Variants in GPSM1 observed in about 807,000 individuals in gnomAD.
GPSM1 encodes G protein signaling modulator 1, also known as G protein-signaling modulator 1.
A neutral mutation model predicts 70.5 loss-of-function variants in GPSM1; 48 were observed. The ratio of observed to expected loss-of-function variants is 0.68; its 90% CI spans 0.54 to 0.87. The LOEUF is 0.87. GPSM1 is among the 40% of genes least tolerant of loss of function. The pLI is 0.00. For synonymous variants in GPSM1, 416 were observed against 430.1 expected (o/e 0.97, Z 0.41); for missense variants, 981 against 972.6 (o/e 1.01, Z -0.11).
chr9:136,351,127 C>G (rs1832651296), intron 11 of GPSM1, among the ~76,000 whole-genome samples: 1 of 152,198 alleles, frequency 6.6e-6, no homozygotes, highest in South Asian at 2.1e-4. Flanking sequence ...GGTGTGGGTG[C>G]TGGGCTGGGA....
Position 136,343,944 on chromosome 9 carries a change from G to C in GPSM1, c.1207+2951G>C, listed in dbSNP as rs896727782. On this transcript the variant is annotated intron_variant, in intron 9 of 13. Transcript: ENST00000440944. The surrounding 1 kb of genome is among the most constrained non-coding windows in gnomAD (Gnocchi z 6.0). ...GGAAATGGCACACAGGGTCCCGCAC[G>C]CAGCAGATACACAGTAAATGCCTGC... 6.6e-6 allele frequency among the ~76,000 whole-genome samples: 1 copy of C among 152,162 alleles called. No homozygotes were observed. Among genetic ancestry groups the C allele is most frequent in the Non-Finnish European group, 1.5e-5 (1 of 68,018 alleles).
chr9:136,333,325 T>C (rs1832147090), intron 1 of GPSM1, among the ~76,000 whole-genome samples: 1 of 152,142 alleles, frequency 6.6e-6, no homozygotes, highest in Non-Finnish European at 1.5e-5. Flanking sequence ...CGCAGCAGCC[T>C]GAGGCCCATG....
Position 136,337,016 on chromosome 9 carries a change from CG to C in GPSM1, c.525del (p.His176ThrfsTer24). 6.4e-7 allele frequency: 1 copy of C among 1,552,228 alleles called. No individual in the cohort carries two copies. The highest frequency in any genetic ancestry group is 8.7e-7 in the Non-Finnish European group (1 of 1,148,006). ...WNAANATQDP[G>X]HLPPDVRETL... Reference sequence around the variant, plus strand: ...ACGCCGCAAACGCCACGCAGGACCCCGGGCACCTGCCGCCCGATGTCCGAGA... The same window carrying C: ...ACGCCGCAAACGCCACGCAGGACCCCGGCACCTGCCGCCCGATGTCCGAGA... On this transcript the variant is annotated frameshift_variant, in exon 4 of 14. Transcript: ENST00000440944. LOFTEE classifies it high-confidence loss of function.
intron 9 of GPSM1, among the ~76,000 whole-genome samples, 197 bp from the exon 10 acceptor site, chr9:136,348,500 C>G (rs1310740461): frequency 3.3e-5 from 5 of 152,230 alleles, no homozygotes; most frequent in African/African-American, 1.2e-4. Flanking sequence ...TGTCTCGACA[C>G]CTGTCCCCTT....
At chr9:136,350,873 A>G (rs1484939497) in intron 11 of GPSM1, among the ~76,000 whole-genome samples, 1 of 152,032 alleles carries the variant, frequency 6.6e-6, no homozygotes, top group Non-Finnish European at 1.5e-5. Flanking sequence ...GACGGGGGAC[A>G]GACAGACTGG....
intron 11 of GPSM1, among the ~76,000 whole-genome samples, chr9:136,354,597 G>A (rs1261099212): frequency 6.6e-6 from 1 of 152,238 alleles, no homozygotes; most frequent in Non-Finnish European, 1.5e-5. Context: ...GGAGGTGGAC[G>A]GGGCTTGGAA....
intron 1 of GPSM1, among the ~76,000 whole-genome samples, chr9:136,331,418 G>A (rs998999641): frequency 1.1e-4 from 16 of 151,878 alleles, no homozygotes; most frequent in African/African-American, 3.4e-4. Context: ...CAGGGAGGCT[G>A]GGGAGGGGGC....
At chr9:136,346,569 C>A (rs757251027) in intron 9 of GPSM1, among the ~76,000 whole-genome samples, 11 of 152,206 alleles carry the variant, frequency 7.2e-5, no homozygotes, top group Non-Finnish European at 1.6e-4. Context: ...AGCAGGACCC[C>A]CTTCCCAGTT....
intron 11 of GPSM1, among the ~76,000 whole-genome samples, chr9:136,353,362 A>C (rs782269709): frequency 1.3e-5 from 2 of 152,162 alleles, no homozygotes; most frequent in Non-Finnish European, 2.9e-5. Flanking sequence ...GCTTGGGGCA[A>C]GGGAGAGGTT....
At chr9:136,353,286 A>C (rs1229287634) in intron 11 of GPSM1, 4 of 175,816 alleles carry the variant, frequency 2.3e-5, no homozygotes, top group African/African-American at 9.6e-5. Context: ...GCTTGTGCCA[A>C]AGCAAGAGAG....
chr9:136,340,936 C>T lies in GPSM1; in HGVS notation c.1150C>T (p.Arg384Cys), dbSNP rs782254318. 38 of 1,566,794 alleles carry T rather than the reference C, an allele frequency of 2.4e-5. No individual in the cohort carries two copies. Among genetic ancestry groups the T allele is most frequent in the Admixed American group, 1.3e-4 (7 of 53,380 alleles). The change falls in exon 9 of 14, where the codon CGC becomes TGC. Residue 384 changes from arginine (R) to cysteine (C), a missense_variant. Coordinates refer to ENST00000440944, the MANE Select transcript of GPSM1 (RefSeq NM_001145638.3). This position sits in a 1 kb window ranked among gnomAD's most constrained non-coding sequence, Gnocchi z 7.3. ...GGCGCAGCTGCAGCTGGTGCTCGGCCGCCTGACCAGCCCGGCAGCCTCAGA... is the reference window on the plus strand; with the variant it reads ...GGCGCAGCTGCAGCTGGTGCTCGGCTGCCTGACCAGCCCGGCAGCCTCAGA... ...NVAQLQLVLG[R>C]LTSPAASEKP...
chr9:136,341,366 AGGGCTGGGCT>A lies in GPSM1; in HGVS notation c.1207+395_1207+404del, dbSNP rs112024031. ...TGGGAGGCGAGAGGGCATCAGCCAG[AGGGCTGGGCT>A]GGGCTGGGCTGGGCTGGGCTGTGGG... On this transcript the variant is annotated intron_variant, in intron 9 of 13. Transcript: ENST00000440944. This position sits in a 1 kb window ranked among gnomAD's most constrained non-coding sequence, Gnocchi z 6.7. The A allele has an allele frequency of 4.6e-4, 643 of 1,409,372 alleles. 1 individual carries two copies. The highest frequency in any genetic ancestry group is 2.4e-3 in the East Asian group (89 of 37,708). The allele number at this position is 1,409,372 out of a possible 1,614,324, so 87.3% of individuals were successfully genotyped here. A position where few individuals can be genotyped will look rare whatever the true frequency, so the allele number is the denominator to read the frequency against.
In GPSM1 at chr9:136,356,389, CTCA is replaced by C; in HGVS notation, c.1663_1665del (p.Ile555del). 6.2e-7 allele frequency: 1 copy of C among 1,609,154 alleles called. No individual in the cohort carries two copies. The highest frequency in any genetic ancestry group is 8.5e-7 in the Non-Finnish European group (1 of 1,178,038). On this transcript the variant is annotated inframe_deletion, in exon 13 of 14. Transcript: ENST00000440944. ...GCCCCAGACCGAGGAATTCTTCGACCTCATCGCCAGCTCCCAGAGCCGCCGGCT... is the reference window on the plus strand; with the variant it reads ...GCCCCAGACCGAGGAATTCTTCGACCTCGCCAGCTCCCAGAGCCGCCGGCT...
chr9:136,335,863 TG>T, intron 2 of GPSM1, 102 bp from the exon 3 acceptor site: 2 of 1,201,048 alleles, frequency 1.7e-6, no homozygotes, highest in Non-Finnish European at 1.2e-6. Flanking sequence ...CACTCCATGC[TG>T]GTCCCTGAGG....
chr9:136,356,560 G>C lies in GPSM1; in HGVS notation c.1821+10G>C. 6.3e-7 allele frequency: 1 copy of C among 1,593,782 alleles called. No individual in the cohort carries two copies. On this transcript the variant is annotated intron_variant, in intron 13 of 13. Coordinates refer to ENST00000440944, the MANE Select transcript of GPSM1 (RefSeq NM_001145638.3). ...GCTCATCAAGTACCAGGTGGGCTGC[G>C]GCCCTGGGCGGGCGTGGCTCGCGGC...
At chr9:136,352,643 G>A (rs904017311) in intron 11 of GPSM1, among the ~76,000 whole-genome samples, 16 of 152,328 alleles carry the variant, frequency 1.1e-4, no homozygotes, top group Middle Eastern at 3.4e-3. Context: ...GGGCCGTCCC[G>A]GACAGAGGAG....
At chr9:136,336,315 C>G (rs1832234264) in intron 3 of GPSM1, among the ~76,000 whole-genome samples, 1 of 152,124 alleles carries the variant, frequency 6.6e-6, no homozygotes. Flanking sequence ...CCCAGGCCCC[C>G]ACCTTCCACC....
rs544659139 is a variant in GPSM1, at chr9:136,345,844, C to A, written c.1208-2853C>A. Among the ~76,000 whole-genome samples the A allele has an allele frequency of 2.7e-4, 41 of 152,278 alleles. 2 individuals carry two copies. In the South Asian group the frequency reaches 8.3e-3, roughly 31 times the overall value. On this transcript the variant is annotated intron_variant, in intron 9 of 13. Coordinates refer to ENST00000440944, the MANE Select transcript of GPSM1 (RefSeq NM_001145638.3). ...AGCAGCTGTCCTCAGAGCTACCTTG[C>A]TCATCTGGGTGGGGGTGGGCAGCTG...
intron 11 of GPSM1, chr9:136,353,071 T>C (rs1483717006): frequency 2.5e-5 from 25 of 985,078 alleles, no homozygotes; most frequent in Non-Finnish European, 2.8e-5. Context: ...GTGGTGGCCC[T>C]GGGCACCTTG....
Sources: allele counts gnomAD v4.1 joint callset (sites outside exome capture counted in the v4.1 genomes callset), GRCh38; gene constraint gnomAD v4.1.1; non-coding constraint Gnocchi (gnomAD v3.1); transcripts MANE v1.5; gene names NCBI Gene and HGNC (gene_info 2026-07-23, HGNC 2026-07-21).